The following SORBS2 variants were observed in gnomAD, a reference collection of about 807,000 sequenced individuals.
The protein encoded by SORBS2 is sorbin and SH3 domain-containing protein 2.
In SORBS2, 46 loss-of-function variants were observed where a neutral mutation model predicts 97.7. That is an observed-to-expected ratio of 0.47 (90% CI 0.37 to 0.60). SORBS2 has a LOEUF of 0.60. Ranked by LOEUF, SORBS2 falls within the 20% of genes least tolerant of loss-of-function variation. SORBS2 has a pLI of 0.00. For synonymous variants in SORBS2, 476 were observed against 473.4 expected (o/e 1.01, Z -0.07); for missense variants, 1,316 against 1,282.3 (o/e 1.03, Z -0.40).
intron 1 of SORBS2, among the ~76,000 whole-genome samples, chr4:185,934,652 C>T (rs1231330022): frequency 4.6e-5 from 7 of 151,802 alleles, no homozygotes; most frequent in East Asian, 3.9e-4. Flanking sequence ...GACATGGTGG[C>T]GGGCCCCTGT....
intron 1 of SORBS2, among the ~76,000 whole-genome samples, chr4:185,898,405 T>C (rs1488256006): frequency 2.6e-5 from 4 of 152,136 alleles, no homozygotes; most frequent in Non-Finnish European, 5.9e-5. Context: ...ACCATGTCTG[T>C]AAGGAAGAAA....
Position 185,945,459 on chromosome 4 carries a change from G to T in SORBS2, c.-338+10737C>A, listed in dbSNP as rs535682351. Among the ~76,000 whole-genome samples, 18 of 152,282 alleles carry T rather than the reference G, an allele frequency of 1.2e-4. No homozygotes were observed. The South Asian group carries it at 3.7e-3, about 32-fold the overall frequency. ...TTTAATAGGCAACATTTCATAACAAGAATGAAAAATGATGATGATTCAAAT... is the reference window on the plus strand; with the variant it reads ...TTTAATAGGCAACATTTCATAACAATAATGAAAAATGATGATGATTCAAAT... On this transcript the variant is annotated intron_variant, in intron 1 of 20. Coordinates refer to the SORBS2 transcript ENST00000284776.
intron 1 of SORBS2, among the ~76,000 whole-genome samples, chr4:185,812,518 G>C (rs1403760306): frequency 2.0e-5 from 3 of 152,164 alleles, no homozygotes; most frequent in African/African-American, 7.2e-5. Flanking sequence ...CCCTATTAGT[G>C]GCTATCCAGG....
At position 185,868,269 on chromosome 4, in the gene SORBS2, G is replaced by A. The variant is rs1235480887; in HGVS notation, c.-338+87927C>T. On this transcript the variant is annotated intron_variant, in intron 1 of 20. Transcript: ENST00000284776. Reference sequence around the variant, plus strand: ...CCTCCCGGGTTCAAGCGATTCTCCTGCCTCAGCTTCCCGAGTAGCTGGGAT... The same window carrying A: ...CCTCCCGGGTTCAAGCGATTCTCCTACCTCAGCTTCCCGAGTAGCTGGGAT... Among the ~76,000 whole-genome samples, 4 of 149,186 alleles carry A rather than the reference G, an allele frequency of 2.7e-5. No individual in the cohort carries two copies. The Admixed American group carries it at 2.7e-4, about 10-fold the overall frequency.
intron 1 of SORBS2, among the ~76,000 whole-genome samples, chr4:185,942,327 G>T (rs2099272417): frequency 6.6e-6 from 1 of 151,362 alleles, no homozygotes; most frequent in Admixed American, 6.6e-5. Context: ...CCTTCATTTA[G>T]ATGACTACAT....
intron 2 of SORBS2, among the ~76,000 whole-genome samples, chr4:185,743,464 G>A (rs114449390): frequency 0.017 from 2,554 of 152,276 alleles, 75 homozygotes; most frequent in African/African-American, 0.058. Context: ...GCTGAGTTTC[G>A]TGATGGCTTC....
At chr4:185,599,680 G>C (rs2096209517) in intron 12 of SORBS2, among the ~76,000 whole-genome samples, 1 of 152,094 alleles carries the variant, frequency 6.6e-6, no homozygotes, top group Admixed American at 6.6e-5. Flanking sequence ...CAGTGATTTA[G>C]TGTAGAACCA....
At chr4:185,888,765 G>C (rs888926500) in intron 1 of SORBS2, among the ~76,000 whole-genome samples, 3 of 152,086 alleles carry the variant, frequency 2.0e-5, no homozygotes, top group South Asian at 4.1e-4. Context: ...ACCCCAACCC[G>C]CATGACTGGG....
chr4:185,815,316 T>C (rs1263852309), intron 1 of SORBS2, among the ~76,000 whole-genome samples: 2 of 152,184 alleles, frequency 1.3e-5, no homozygotes, highest in Non-Finnish European at 2.9e-5. Context: ...GTGTGGAATT[T>C]TAAACAACGT....
intron 2 of SORBS2, among the ~76,000 whole-genome samples, chr4:185,689,224 G>A (rs2098041357): frequency 6.6e-6 from 1 of 152,152 alleles, no homozygotes; most frequent in Non-Finnish European, 1.5e-5. Context: ...AGTAAAATGA[G>A]GAATACTGGG....
intron 1 of SORBS2, among the ~76,000 whole-genome samples, chr4:185,924,768 A>G (rs1219268475): frequency 1.3e-5 from 2 of 152,236 alleles, no homozygotes; most frequent in African/African-American, 2.4e-5. Context: ...GCTGCCGCAC[A>G]GCGAGTTTTC....
intron 1 of SORBS2, among the ~76,000 whole-genome samples, chr4:185,872,063 G>C (rs1206045652): frequency 1.3e-5 from 2 of 152,160 alleles, no homozygotes; most frequent in Non-Finnish European, 2.9e-5. Context: ...AGGTAAAAGT[G>C]TTATATTAAA....
chr4:185,622,948 G>A, exon 7 of SORBS2: 2 of 1,613,086 alleles, frequency 1.2e-6, no homozygotes, highest in South Asian at 2.2e-5. Context: ...GGTGGTGGCA[G>A]CTGCTGTTGG....
intron 4 of SORBS2, among the ~76,000 whole-genome samples, chr4:185,669,238 C>T (rs1189816332): frequency 6.6e-6 from 1 of 152,116 alleles, no homozygotes; most frequent in Non-Finnish European, 1.5e-5. Context: ...GGAAAGTATC[C>T]AGGATGTGCA....
intron 1 of SORBS2, among the ~76,000 whole-genome samples, chr4:185,784,280 T>C (rs1827100): frequency 0.89 from 134,974 of 152,110 alleles, 59,939 homozygotes; most frequent in East Asian, 0.96. Flanking sequence ...TACAGGCACC[T>C]GCCACCACTC....
At chr4:185,872,235 T>C (rs1292173413) in intron 1 of SORBS2, among the ~76,000 whole-genome samples, 1 of 152,188 alleles carries the variant, frequency 6.6e-6, no homozygotes, top group Non-Finnish European at 1.5e-5. Flanking sequence ...AGGCAACTTT[T>C]ATCAGAGGCG....
intron 1 of SORBS2, among the ~76,000 whole-genome samples, chr4:185,885,885 T>G (rs2099239155): frequency 6.6e-6 from 1 of 152,226 alleles, no homozygotes; most frequent in South Asian, 2.1e-4. Context: ...ATAAAGTAAG[T>G]AATGCATGAT....
chr4:185,920,277 G>A (rs774390094), intron 1 of SORBS2, among the ~76,000 whole-genome samples: 21 of 152,100 alleles, frequency 1.4e-4, no homozygotes, highest in Admixed American at 9.2e-4. Flanking sequence ...TTTGTGTGCC[G>A]GATGACTCAG....
intron 2 of SORBS2, among the ~76,000 whole-genome samples, chr4:185,744,427 T>C (rs535451249): frequency 1.3e-5 from 2 of 152,358 alleles, no homozygotes; most frequent in Admixed American, 1.3e-4. Flanking sequence ...ACTGTTGGGC[T>C]AGAAATAGTC....
Sources: gnomAD v4.1 joint callset for allele counts (sites outside exome capture counted in the v4.1 genomes callset) on GRCh38, gnomAD v4.1.1 for gene constraint, MANE v1.5 for transcripts, NCBI Gene and HGNC (gene_info 2026-07-23, HGNC 2026-07-21) for gene names.